The following SOX5 variants were observed in gnomAD, a reference collection of about 807,000 sequenced individuals.
SOX5 encodes transcription factor SOX-5.
In SOX5, 9 loss-of-function variants were observed where a neutral mutation model predicts 92.0. That is an observed-to-expected ratio of 0.10 (90% CI 0.06 to 0.17). The LOEUF (loss-of-function observed/expected upper bound fraction) is 0.17, where lower values mean the gene tolerates loss of function less well. SOX5 is among the 10% of genes least tolerant of loss of function. The pLI, the probability that SOX5 is intolerant of heterozygous loss-of-function variation, is 1.00. For missense variants in SOX5, 642 were observed against 944.5 expected (o/e 0.68, Z 4.20); for synonymous variants, 344 against 336.3 (o/e 1.02, Z -0.25).
At chr12:24,282,846 T>C (rs924805201) in intron 2 of SOX5, among the ~76,000 whole-genome samples, 1 of 152,232 alleles carries the variant, frequency 6.6e-6, no homozygotes, top group Non-Finnish European at 1.5e-5. Flanking sequence ...ATACTTGCCA[T>C]CCATTCTTTA....
chr12:23,790,628 ATTGATC>A (rs1476747611), intron 3 of SOX5, among the ~76,000 whole-genome samples: 3 of 151,408 alleles, frequency 2.0e-5, no homozygotes, highest in Middle Eastern at 3.4e-3. Context: ...ATTTTCCACT[ATTGATC>A]TTAACTATTT....
At chr12:24,217,053 G>A (rs1043921672) in intron 3 of SOX5, among the ~76,000 whole-genome samples, 4 of 152,166 alleles carry the variant, frequency 2.6e-5, no homozygotes, top group Non-Finnish European at 4.4e-5. Flanking sequence ...GATTATTCCA[G>A]ACATATCCTG....
intron 8 of SOX5, among the ~76,000 whole-genome samples, chr12:23,606,509 A>C (rs1416104437): frequency 1.3e-5 from 2 of 151,778 alleles, no homozygotes; most frequent in East Asian, 3.9e-4. Context: ...GTTATTCAAA[A>C]TTTAATTTTG....
intron 4 of SOX5, among the ~76,000 whole-genome samples, chr12:23,750,936 T>G (rs2094161192): frequency 6.6e-6 from 1 of 151,856 alleles, no homozygotes; most frequent in Non-Finnish European, 1.5e-5. Context: ...AATCACTGGT[T>G]TATAGAAAAT....
intron 6 of SOX5, 118 bp downstream of exon 6, chr12:23,734,566 C>G (rs148138020): frequency 2.3e-5 from 17 of 734,976 alleles, no homozygotes; most frequent in Non-Finnish European, 3.8e-5. Context: ...GGTGCTATGT[C>G]ATGAATTAGC....
intron 9 of SOX5, chr12:23,604,151 T>C: frequency 2.3e-6 from 1 of 425,596 alleles, no homozygotes; most frequent in Non-Finnish European, 4.3e-6. Context: ...TAATCTTTTT[T>C]ATCTCTCACA....
At chr12:24,239,593 T>C (rs752901550) in intron 3 of SOX5, among the ~76,000 whole-genome samples, 9 of 152,186 alleles carry the variant, frequency 5.9e-5, no homozygotes, top group Non-Finnish European at 1.3e-4. Context: ...TTAGCAGCTG[T>C]ACAGCCTAAC....
intron 4 of SOX5, among the ~76,000 whole-genome samples, chr12:23,958,702 A>G (rs1217385608): frequency 7.4e-6 from 1 of 135,446 alleles, no homozygotes; most frequent in Non-Finnish European, 1.6e-5. Context: ...GTTATTTTAT[A>G]AACAAAATTA....
chr12:24,153,667 C>T (rs1299007409), intron 4 of SOX5, among the ~76,000 whole-genome samples: 2 of 152,076 alleles, frequency 1.3e-5, no homozygotes, highest in African/African-American at 4.8e-5. Context: ...CAAGAGGTAA[C>T]TTTACATTAG....
chr12:24,281,294 T>C (rs1945171493), intron 2 of SOX5, among the ~76,000 whole-genome samples: 1 of 151,538 alleles, frequency 6.6e-6, no homozygotes, highest in Non-Finnish European at 1.5e-5. Flanking sequence ...CCAGAGTCAT[T>C]TATCCCCTAT....
intron 4 of SOX5, among the ~76,000 whole-genome samples, chr12:24,173,119 C>T (rs954898366): frequency 1.3e-5 from 2 of 152,340 alleles, no homozygotes; most frequent in South Asian, 2.1e-4. Context: ...CCCGTGCCAT[C>T]TTCCTCTCCT....
intron 1 of SOX5, among the ~76,000 whole-genome samples, chr12:24,488,263 G>A (rs764980313): frequency 5.3e-5 from 8 of 152,106 alleles, no homozygotes; most frequent in Non-Finnish European, 1.0e-4. Flanking sequence ...CAGGTTCCCA[G>A]ATACAATGCA....
chr12:24,212,326 C>A, intron 4 of SOX5: 1 of 506,494 alleles, frequency 2.0e-6, no homozygotes, highest in South Asian at 1.5e-5. Flanking sequence ...AGCTTAGTTC[C>A]TTTAGGAGTA....
intron 3 of SOX5, among the ~76,000 whole-genome samples, chr12:23,794,520 G>T (rs147933291): frequency 6.6e-6 from 1 of 152,164 alleles, no homozygotes; most frequent in East Asian, 1.9e-4. Context: ...ACCTCCAGCA[G>T]GGTTAGAGGT....
At chr12:23,934,645 T>C (rs1942161828) in intron 1 of SOX5, among the ~76,000 whole-genome samples, 1 of 151,150 alleles carries the variant, frequency 6.6e-6, no homozygotes, top group East Asian at 1.9e-4. Flanking sequence ...TATACATCCA[T>C]AGGTAGTTCA....
intron 2 of SOX5, among the ~76,000 whole-genome samples, chr12:24,316,523 G>T (rs1324602838): frequency 6.6e-6 from 1 of 152,130 alleles, no homozygotes; most frequent in Non-Finnish European, 1.5e-5. Flanking sequence ...AGAAGTGATT[G>T]GAATTCTCTC....
intron 4 of SOX5, among the ~76,000 whole-genome samples, chr12:24,024,563 C>T (rs1954665767): frequency 6.6e-6 from 1 of 151,950 alleles, no homozygotes; most frequent in African/African-American, 2.4e-5. Flanking sequence ...GGCATTTGCT[C>T]AAGATGAATA....
intron 10 of SOX5, among the ~76,000 whole-genome samples, chr12:23,566,209 G>A (rs531320662): frequency 7.9e-5 from 12 of 152,022 alleles, no homozygotes; most frequent in Admixed American, 5.2e-4. Context: ...TCTTTTCTCC[G>A]AAAACAAGCA....
chr12:24,431,013 A>G (rs1016217415), intron 1 of SOX5, among the ~76,000 whole-genome samples: 2 of 152,214 alleles, frequency 1.3e-5, no homozygotes, highest in Admixed American at 6.5e-5. Flanking sequence ...TGCAAAAGAG[A>G]TGGTCAAAAT....
Sources: allele counts gnomAD v4.1 joint callset (sites outside exome capture counted in the v4.1 genomes callset), GRCh38; gene constraint gnomAD v4.1.1; transcripts MANE v1.5; gene names NCBI Gene and HGNC (gene_info 2026-07-23, HGNC 2026-07-21).